LYPD6: variants seen among roughly 807,000 people sequenced by gnomAD.
The protein encoded by LYPD6 is LY6/PLAUR domain containing 6.
A neutral mutation model predicts 22.7 loss-of-function variants in LYPD6; 15 were observed. The ratio of observed to expected loss-of-function variants is 0.66; its 90% CI spans 0.44 to 1.02. The LOEUF (loss-of-function observed/expected upper bound fraction) is 1.02, where lower values mean the gene tolerates loss of function less well. Among genes scored for constraint, LYPD6 ranks in the 50% least tolerant of loss-of-function variants. The pLI is 0.00. For synonymous variants in LYPD6, 72 were observed against 77.5 expected (o/e 0.93, Z 0.37); for missense variants, 189 against 208.4 (o/e 0.91, Z 0.57).
chr2:149,454,917 C>T (rs1680918471), intron 3 of LYPD6, among the ~76,000 whole-genome samples: 1 of 152,134 alleles, frequency 6.6e-6, no homozygotes, highest in South Asian at 2.1e-4. Flanking sequence ...TTTGTGCTCC[C>T]AGTCCCCTTG....
intron 1 of LYPD6, among the ~76,000 whole-genome samples, chr2:149,406,028 A>G (rs1346878733): frequency 6.7e-6 from 1 of 150,198 alleles, no homozygotes; most frequent in African/African-American, 2.5e-5. Flanking sequence ...TTCAGTTTCC[A>G]TGTAGTTGAG....
chr2:149,429,104 A>G (rs1328015593), intron 1 of LYPD6, among the ~76,000 whole-genome samples: 1 of 152,062 alleles, frequency 6.6e-6, no homozygotes, highest in Non-Finnish European at 1.5e-5. Context: ...TACCTCCCAC[A>G]TTCTCATACC....
chr2:149,339,399 C>T (rs948849751), intron 1 of LYPD6, among the ~76,000 whole-genome samples: 1 of 152,198 alleles, frequency 6.6e-6, no homozygotes, highest in Non-Finnish European at 1.5e-5. Flanking sequence ...GACAAAGCTT[C>T]CAAGGTCTCA....
intron 1 of LYPD6, among the ~76,000 whole-genome samples, chr2:149,391,241 C>T (rs979085172): frequency 6.6e-6 from 1 of 152,188 alleles, no homozygotes; most frequent in Non-Finnish European, 1.5e-5. Flanking sequence ...TAAGACTCGG[C>T]TCTTACCTCA....
chr2:149,363,164 G>T (rs1339146960), intron 1 of LYPD6, among the ~76,000 whole-genome samples: 3 of 152,124 alleles, frequency 2.0e-5, no homozygotes, highest in Non-Finnish European at 4.4e-5. Flanking sequence ...CCCATCAACA[G>T]CACTTACATG....
intron 1 of LYPD6, among the ~76,000 whole-genome samples, chr2:149,405,060 A>T (rs191708141): frequency 2.4e-4 from 37 of 152,346 alleles, no homozygotes; most frequent in African/African-American, 8.2e-4. Flanking sequence ...ATATTGAACC[A>T]GCCTTGCATC....
intron 1 of LYPD6, among the ~76,000 whole-genome samples, chr2:149,336,127 G>C (rs2105044152): frequency 6.6e-6 from 1 of 152,278 alleles, no homozygotes; most frequent in South Asian, 2.1e-4. Flanking sequence ...ATGGGAAATT[G>C]GCTAAGGAAA....
At chr2:149,413,221 C>T (rs149321964) in intron 1 of LYPD6, among the ~76,000 whole-genome samples, 564 of 152,222 alleles carry the variant, frequency 3.7e-3, no homozygotes, top group South Asian at 5.8e-3. Flanking sequence ...GTAATTATGG[C>T]GCCAACATCC....
intron 3 of LYPD6, among the ~76,000 whole-genome samples, chr2:149,467,676 A>G (rs1681231460): frequency 6.6e-6 from 1 of 152,174 alleles, no homozygotes; most frequent in Non-Finnish European, 1.5e-5. Flanking sequence ...AAGCATGCAA[A>G]GTTGGATCCA....
the LYPD6 span, among the ~76,000 whole-genome samples, chr2:149,480,177 C>T: frequency 1.3e-5 from 2 of 152,098 alleles, no homozygotes; most frequent in Middle Eastern, 3.4e-3. Flanking sequence ...ATCTGGCTAA[C>T]TTTTGTCTTT....
At chr2:149,444,749 T>A (rs1411721362) in intron 2 of LYPD6, among the ~76,000 whole-genome samples, 1 of 152,202 alleles carries the variant, frequency 6.6e-6, no homozygotes, top group Non-Finnish European at 1.5e-5. Flanking sequence ...AGGCTCCGCT[T>A]CTAATTCTAG....
At chr2:149,394,996 T>C (rs567729740) in intron 1 of LYPD6, among the ~76,000 whole-genome samples, 1 of 152,216 alleles carries the variant, frequency 6.6e-6, no homozygotes, top group Non-Finnish European at 1.5e-5. Flanking sequence ...TCTCTGTATG[T>C]TACTTTTCTC....
rs1053762840 is a variant in LYPD6, at chr2:149,461,369, A to G, written c.218-7276A>G. Among the ~76,000 whole-genome samples, 10 of 151,970 alleles carry G rather than the reference A, an allele frequency of 6.6e-5. No homozygotes were observed. In the East Asian group the frequency reaches 1.9e-3, roughly 29 times the overall value. ...CTAAAAATGAGATAAATAGTCCTAT[A>G]ACTCCTAAGAATTTTTTTTATAACT... On this transcript the variant is annotated intron_variant, in intron 3 of 4. Transcript: ENST00000334166.
intron 1 of LYPD6, among the ~76,000 whole-genome samples, chr2:149,383,762 A>G (rs890944656): frequency 6.6e-6 from 1 of 152,156 alleles, no homozygotes; most frequent in Non-Finnish European, 1.5e-5. Context: ...AGTGGGGATG[A>G]TTTCCTAGTA....
intron 1 of LYPD6, among the ~76,000 whole-genome samples, chr2:149,340,562 T>TA (rs1158530205): frequency 3.0e-4 from 46 of 152,280 alleles, no homozygotes; most frequent in African/African-American, 1.1e-3. Flanking sequence ...GCAAGTTATT[T>TA]AGTTTCCTCC....
intron 2 of LYPD6, among the ~76,000 whole-genome samples, chr2:149,448,457 T>C (rs1683734655): frequency 6.6e-6 from 1 of 152,170 alleles, no homozygotes; most frequent in African/African-American, 2.4e-5. Flanking sequence ...TTGTGTATCC[T>C]CCACCAGAGT....
At chr2:149,377,304 A>G (rs1681944355) in intron 1 of LYPD6, among the ~76,000 whole-genome samples, 1 of 143,548 alleles carries the variant, frequency 7.0e-6, no homozygotes, top group Non-Finnish European at 1.5e-5. Flanking sequence ...TGCTTGGCTT[A>G]ATCACTGGAA....
chr2:149,452,739 G>A (rs1263648732), intron 3 of LYPD6, among the ~76,000 whole-genome samples: 1 of 152,210 alleles, frequency 6.6e-6, no homozygotes, highest in African/African-American at 2.4e-5. Flanking sequence ...TCAGTCACAT[G>A]CATGTGCATA....
intron 1 of LYPD6, among the ~76,000 whole-genome samples, chr2:149,418,533 G>A (rs1683012952): frequency 1.3e-5 from 2 of 152,240 alleles, no homozygotes; most frequent in Middle Eastern, 3.4e-3. Flanking sequence ...AAGCAAACTG[G>A]GTTAAAGAGA....
Sources: allele counts gnomAD v4.1 joint callset (sites outside exome capture counted in the v4.1 genomes callset), GRCh38; gene constraint gnomAD v4.1.1; transcripts MANE v1.5; gene names NCBI Gene and HGNC (gene_info 2026-07-23, HGNC 2026-07-21).